The following SRPK2 variants were observed in gnomAD, a reference collection of about 807,000 sequenced individuals.
SRPK2 encodes the protein SRSF protein kinase 2, also known as SFRS protein kinase 2.
SRPK2 carries 21 observed loss-of-function variants against 90.8 expected under a neutral mutation model. That is an observed-to-expected ratio of 0.23 (90% CI 0.16 to 0.33). The LOEUF is 0.33. Among genes scored for constraint, SRPK2 ranks in the 10% least tolerant of loss-of-function variants. The probability of loss-of-function intolerance (pLI) is 1.00; values close to 1 mark genes in which losing one functional copy is unlikely to be tolerated. For missense variants in SRPK2, 620 were observed against 869.0 expected, an observed-to-expected ratio of 0.71 and a Z score of 3.60; for synonymous variants, 288 against 311.1, an observed-to-expected ratio of 0.93 and a Z score of 0.78.
intron 2 of SRPK2, chr7:105,204,887 G>C (rs955863719): frequency 2.5e-5 from 10 of 406,204 alleles, no homozygotes; most frequent in African/African-American, 1.9e-4. Context: ...TGGAATCTTG[G>C]TGTTATTGCT....
At chr7:105,361,760 C>G (rs1234908499) in intron 2 of SRPK2, among the ~76,000 whole-genome samples, 2 of 152,160 alleles carry the variant, frequency 1.3e-5, no homozygotes. Flanking sequence ...GCTGGGAAAA[C>G]TGGCTAGCTA....
At chr7:105,216,740 T>TA (rs985323966) in intron 2 of SRPK2, among the ~76,000 whole-genome samples, 1 of 151,770 alleles carries the variant, frequency 6.6e-6, no homozygotes, top group Non-Finnish European at 1.5e-5. Context: ...TGCAACTAAT[T>TA]ATCCTAGGGC....
intron 2 of SRPK2, among the ~76,000 whole-genome samples, chr7:105,346,462 A>G (rs1816468899): frequency 6.6e-6 from 1 of 152,132 alleles, no homozygotes; most frequent in South Asian, 2.1e-4. Flanking sequence ...AGCACTGTCA[A>G]AAGCAACACA....
chr7:105,135,529 G>A lies in SRPK2; in HGVS notation c.1544-2425C>T, dbSNP rs117420548. ...GTCTAATGAGAAGAGGGCGAAGCCCGGTTAGACATATTGTGGTCCTCCTGA... is the reference window on the plus strand; with the variant it reads ...GTCTAATGAGAAGAGGGCGAAGCCCAGTTAGACATATTGTGGTCCTCCTGA... On this transcript the variant is annotated intron_variant, in intron 11 of 15. Transcript: ENST00000393651. Among the ~76,000 whole-genome samples, 917 of 152,318 alleles carry A rather than the reference G, an allele frequency of 6.0e-3. 4 individuals are homozygous for A. Among genetic ancestry groups the A allele is most frequent in the Non-Finnish European group, 9.5e-3 (646 of 68,016 alleles).
At chr7:105,214,293 A>G (rs1296279260) in intron 2 of SRPK2, among the ~76,000 whole-genome samples, 1 of 152,242 alleles carries the variant, frequency 6.6e-6, no homozygotes, top group African/African-American at 2.4e-5. Flanking sequence ...GTTAGCTGAA[A>G]AAGAGTTTAG....
intron 2 of SRPK2, among the ~76,000 whole-genome samples, chr7:105,273,169 C>T (rs1324041860): frequency 2.0e-5 from 3 of 151,358 alleles, no homozygotes; most frequent in Admixed American, 6.6e-5. Context: ...GAGCAGAGAT[C>T]GCGCCACTGC....
At chr7:105,126,454 C>T in intron 14 of SRPK2, 114 bp from the exon 15 acceptor site, 1 of 761,330 alleles carries the variant, frequency 1.3e-6, no homozygotes, top group Non-Finnish European at 2.2e-6. Context: ...TTCAAATCAA[C>T]AGTGTCTGCA....
In SRPK2 at chr7:105,186,694, G is replaced by A. The variant is rs117974725; in HGVS notation, c.229+16934C>T. 9.7e-4 allele frequency among the ~76,000 whole-genome samples: 148 copies of A among 152,230 alleles called. 2 individuals are homozygous for A. In the South Asian group the frequency reaches 0.015, roughly 16 times the overall value. On this transcript the variant is annotated intron_variant, in intron 3 of 15. Transcript: ENST00000393651. ...ACTCTAATCATGAAACTGAATGAGC[G>A]TCTGATGTGCTTCTAACCAAAAAGA...
At chr7:105,387,186 T>A (rs796836940) in intron 2 of SRPK2, among the ~76,000 whole-genome samples, 1 of 152,216 alleles carries the variant, frequency 6.6e-6, no homozygotes, top group Non-Finnish European at 1.5e-5. Context: ...TCCACTTGTT[T>A]TTATGTTTCT....
At chr7:105,378,792 A>T (rs1820601621) in intron 2 of SRPK2, among the ~76,000 whole-genome samples, 1 of 151,948 alleles carries the variant, frequency 6.6e-6, no homozygotes, top group Non-Finnish European at 1.5e-5. Flanking sequence ...GTTTAACATC[A>T]TTACTCAGGA....
chr7:105,385,166 C>G (rs1484484882), intron 2 of SRPK2, among the ~76,000 whole-genome samples: 4 of 132,884 alleles, frequency 3.0e-5, no homozygotes, highest in Admixed American at 2.5e-4. Flanking sequence ...GCCACCGCGC[C>G]CGGCATTTTT....
At chr7:105,170,860 AAAGAAAG>A (rs1790824892) in intron 3 of SRPK2, among the ~76,000 whole-genome samples, 1 of 60,326 alleles carries the variant, frequency 1.7e-5, no homozygotes, top group Non-Finnish European at 3.8e-5. Context: ...AGAAAGAAAG[AAAGAAAG>A]AAAGAAAGAA....
intron 2 of SRPK2, among the ~76,000 whole-genome samples, chr7:105,346,573 G>A (rs996813605): frequency 6.6e-6 from 1 of 152,042 alleles, no homozygotes; most frequent in Non-Finnish European, 1.5e-5. Flanking sequence ...GGCCAATATG[G>A]TGAAACCCTG....
At chr7:105,140,483 C>T (rs188371040) in intron 11 of SRPK2, among the ~76,000 whole-genome samples, 1 of 151,692 alleles carries the variant, frequency 6.6e-6, no homozygotes, top group Admixed American at 6.6e-5. Flanking sequence ...CGCCTGTAAT[C>T]CCAGCTGCTC....
intron 2 of SRPK2, among the ~76,000 whole-genome samples, chr7:105,205,505 TCTCTCTCTCTCTCACA>T (rs1020531579): frequency 1.5e-5 from 1 of 65,860 alleles, no homozygotes; most frequent in African/African-American, 7.7e-5. Context: ...ATTCTCTCTC[TCTCTCTCTCTCTCACA>T]CACACACACA....
intron 2 of SRPK2, among the ~76,000 whole-genome samples, chr7:105,286,606 G>A (rs939626513): frequency 8.5e-5 from 13 of 152,148 alleles, no homozygotes; most frequent in African/African-American, 3.1e-4. Flanking sequence ...ATCACTCTCT[G>A]GGGGTGGTAA....
intron 2 of SRPK2, among the ~76,000 whole-genome samples, chr7:105,276,833 G>A (rs1158688077): frequency 6.6e-6 from 1 of 152,140 alleles, no homozygotes; most frequent in African/African-American, 2.4e-5. Context: ...GCCTCAGCAG[G>A]CTTCAAAACC....
At chr7:105,140,907 G>A (rs370899648) in intron 11 of SRPK2, among the ~76,000 whole-genome samples, 52 of 152,134 alleles carry the variant, frequency 3.4e-4, no homozygotes, top group African/African-American at 1.0e-3. Context: ...GTTGCAGTGA[G>A]CCGAGATCGC....
At chr7:105,152,615 A>G (rs919970834) in intron 7 of SRPK2, among the ~76,000 whole-genome samples, 1 of 152,244 alleles carries the variant, frequency 6.6e-6, no homozygotes, top group Non-Finnish European at 1.5e-5. Context: ...ACAAACCAAA[A>G]GGAATCATGT....
Sources: allele counts gnomAD v4.1 joint callset (sites outside exome capture counted in the v4.1 genomes callset), GRCh38; gene constraint gnomAD v4.1.1; transcripts MANE v1.5; gene names NCBI Gene and HGNC (gene_info 2026-07-23, HGNC 2026-07-21).